Variants in PCDHGB3 observed in about 807,000 individuals in gnomAD.
PCDHGB3 encodes protocadherin gamma-B3.
A neutral mutation model predicts 59.2 loss-of-function variants in PCDHGB3; 40 were observed. That is an observed-to-expected ratio of 0.68 (90% CI 0.52 to 0.88). The LOEUF is 0.88. PCDHGB3 is among the 40% of genes least tolerant of loss of function. PCDHGB3 has a pLI of 0.00. For missense variants in PCDHGB3, 1,309 were observed against 1,187.9 expected (o/e 1.10, Z -1.50); for synonymous variants, 581 against 503.6 (o/e 1.15, Z -2.06).
rs765397942 is a variant in PCDHGB3, at chr5:141,371,419, A to G, written c.1025A>G (p.Asp342Gly). The change falls in exon 1 of 4, where the codon GAC becomes GGC. Residue 342 changes from aspartate to glycine, a missense_variant. Transcript: ENST00000576222. ...KVQIDISDEN[D>G]NAPEITLASE... is the part of the protein sequence containing the mutation. ...CAGATAGATATTTCAGATGAAAATG[A>G]CAATGCCCCGGAGATAACCCTGGCT... The G allele has an allele frequency of 3.1e-6, 5 of 1,613,904 alleles. No individual in the cohort carries two copies. The African/African-American group carries it at 6.7e-5, about 22-fold the overall frequency.
chr5:141,400,233 C>T lies in PCDHGB3; in HGVS notation c.2415+27424C>T, dbSNP rs373858401. ...TGATCTCAGTGCTCTTCCTCCTGGCCGTGATTCTGGCCGTTGCCTTGCGCC... is the reference window on the plus strand; with the variant it reads ...TGATCTCAGTGCTCTTCCTCCTGGCTGTGATTCTGGCCGTTGCCTTGCGCC... On this transcript the variant is annotated intron_variant, in intron 1 of 3. Coordinates refer to ENST00000576222, the MANE Select transcript of PCDHGB3 (RefSeq NM_018924.5). 100 of 1,613,988 alleles carry T rather than the reference C, an allele frequency of 6.2e-5. 1 individual carries two copies. The African/African-American group carries it at 1.1e-3, about 18-fold the overall frequency.
chr5:141,390,170 T>C lies in PCDHGB3; in HGVS notation c.2415+17361T>C, dbSNP rs773539625. 5 of 1,613,940 alleles carry C rather than the reference T, an allele frequency of 3.1e-6. No individual in the cohort carries two copies. In the African/African-American group the frequency reaches 6.7e-5, roughly 22 times the overall value. ...TTGCACATACAGGAAAGACGGAGTTTAATTTCCTAAAATGTAGTGAGCAGT... is the reference window on the plus strand; with the variant it reads ...TTGCACATACAGGAAAGACGGAGTTCAATTTCCTAAAATGTAGTGAGCAGT... On this transcript the variant is annotated intron_variant, in intron 1 of 3. Transcript: ENST00000576222.
In PCDHGB3 at chr5:141,432,896, G is replaced by A. The variant is rs2097547014; in HGVS notation, c.2415+60087G>A. On this transcript the variant is annotated intron_variant, in intron 1 of 3. Transcript: ENST00000576222. This position sits in a 1 kb window ranked among gnomAD's most constrained non-coding sequence, Gnocchi z 6.0. ...CCTGGCCTTCGTCATCTTGCTGCTG[G>A]CGCTCAGGCTGCGGCGCTGGCACAA... is the stretch of plus-strand genomic sequence containing the variant. 6.2e-7 allele frequency: 1 copy of A among 1,614,056 alleles called. No homozygotes were observed. Among genetic ancestry groups the A allele is most frequent in the African/African-American group, 1.3e-5 (1 of 74,946 alleles).
intron 1 of PCDHGB3, among the ~76,000 whole-genome samples, chr5:141,462,783 T>A (rs1313584666): frequency 6.6e-6 from 1 of 152,236 alleles, no homozygotes; most frequent in Non-Finnish European, 1.5e-5. Flanking sequence ...CATAATTTGT[T>A]GCTTATTTGC....
chr5:141,430,686 C>G, intron 1 of PCDHGB3: 1 of 1,397,218 alleles, frequency 7.2e-7, no homozygotes, highest in Non-Finnish European at 9.5e-7. Context: ...CTGTCCCATT[C>G]TATGGGCGAA....
At chr5:141,392,010 A>T (rs949188518) in intron 1 of PCDHGB3, 1 of 152,234 alleles carries the variant, frequency 6.6e-6, no homozygotes, top group African/African-American at 2.4e-5. Context: ...TGCAATGGTA[A>T]AAGCATTTAT....
intron 1 of PCDHGB3, chr5:141,427,842 C>T: frequency 6.5e-7 from 1 of 1,549,268 alleles, no homozygotes. Flanking sequence ...TGCCTTCGAC[C>T]ACGAGCAGCT....
At position 141,454,796 on chromosome 5, in the gene PCDHGB3, A is replaced by ATTTTT. The variant is rs61612330; in HGVS notation, c.2416-39986_2416-39982dup. ...AAGGAAATAATCCTCCATGGTTCTA[A>ATTTTT]TTTTTTTTTTTTTTTTTTTTTTTTT... On this transcript the variant is annotated intron_variant, in intron 1 of 3. Coordinates refer to ENST00000576222, the MANE Select transcript of PCDHGB3 (RefSeq NM_018924.5). 4.5e-3 allele frequency among the ~76,000 whole-genome samples: 350 copies of ATTTTT among 77,444 alleles called. 39 individuals are homozygous for ATTTTT. The highest frequency in any genetic ancestry group is 0.016 in the African/African-American group (266 of 16,872). The allele number at this position is 77,444 out of a possible 152,430, so 50.8% of individuals were successfully genotyped here.
Position 141,410,123 on chromosome 5 carries a change from C to T in PCDHGB3, c.2415+37314C>T. ...AGGCGACAGGGACGCAGCCCGCCAG[C>T]GCCTGCTGGTCGCTGTGCGTGACGG... On this transcript the variant is annotated intron_variant, in intron 1 of 3. Coordinates refer to ENST00000576222, the MANE Select transcript of PCDHGB3 (RefSeq NM_018924.5). The T allele has an allele frequency of 1.2e-6, 2 of 1,612,780 alleles. No individual in the cohort carries two copies. The highest frequency in any genetic ancestry group is 1.7e-6 in the Non-Finnish European group (2 of 1,179,646).
At chr5:141,375,453 A>C in intron 1 of PCDHGB3, 1 of 1,613,612 alleles carries the variant, frequency 6.2e-7, no homozygotes, top group South Asian at 1.1e-5. Flanking sequence ...CATTCATCCT[A>C]CTCAGTCTAT....
chr5:141,444,561 GA>G (rs778707459), intron 1 of PCDHGB3, among the ~76,000 whole-genome samples: 17 of 152,098 alleles, frequency 1.1e-4, no homozygotes, highest in Non-Finnish European at 2.1e-4. Context: ...GCACTTATTT[GA>G]CACTTTTGAC....
At chr5:141,492,163 C>T (rs921256341) in intron 1 of PCDHGB3, among the ~76,000 whole-genome samples, 22 of 152,232 alleles carry the variant, frequency 1.4e-4, no homozygotes, top group African/African-American at 5.3e-4. Context: ...CCTCCCTATC[C>T]CCGCATCACC....
At chr5:141,420,713 G>T (rs1406572601) in intron 1 of PCDHGB3, among the ~76,000 whole-genome samples, 1 of 152,078 alleles carries the variant, frequency 6.6e-6, no homozygotes, top group African/African-American at 2.4e-5. Flanking sequence ...CAGAAATGTC[G>T]TTCCTTTCAG....
Position 141,431,428 on chromosome 5 carries a change from A to G in PCDHGB3, c.2415+58619A>G. The stretch of plus-strand genomic sequence containing the variant: ...CCGACGGGGGCGACCCGGTGCGCAC[A>G]GGCACCGCGCGCATCCGCGTGATGG... On this transcript the variant is annotated intron_variant, in intron 1 of 3. Transcript: ENST00000576222. This position sits in a 1 kb window ranked among gnomAD's most constrained non-coding sequence, Gnocchi z 4.8. The G allele has an allele frequency of 6.2e-7, 1 of 1,613,664 alleles. No individual in the cohort carries two copies. Among genetic ancestry groups the G allele is most frequent in the Non-Finnish European group, 8.5e-7 (1 of 1,179,998 alleles).
At position 141,371,687 on chromosome 5, in the gene PCDHGB3, G is replaced by T; in HGVS notation, c.1293G>T (p.Pro431=). The T allele has an allele frequency of 6.2e-7, 1 of 1,614,014 alleles. No individual in the cohort carries two copies. Among genetic ancestry groups the T allele is most frequent in the Non-Finnish European group, 8.5e-7 (1 of 1,179,900 alleles). Residue 431 remains proline (P), a synonymous_variant, in exon 1 of 4, where the codon CCG becomes CCT. Transcript: ENST00000576222. ...CAGCTACCGACAAAGGCAATCCACC[G>T]CTCTCCTCCAGCAAGACCATCACTC... ...TITATDKGNP[P]LSSSKTITLH... is the part of the protein sequence containing the mutation.
Position 141,432,608 on chromosome 5 carries a change from T to G in PCDHGB3, c.2415+59799T>G. ...GCTCAAGGCCAGCGAGCCGGGACTC[T>G]TCTCGGTGGGTCTGCACACGGGCGA... On this transcript the variant is annotated intron_variant, in intron 1 of 3. Transcript: ENST00000576222. This position sits in a 1 kb window ranked among gnomAD's most constrained non-coding sequence, Gnocchi z 6.0. The G allele has an allele frequency of 6.2e-7, 1 of 1,613,864 alleles. No individual in the cohort carries two copies. The highest frequency in any genetic ancestry group is 8.5e-7 in the Non-Finnish European group (1 of 1,179,964).
In PCDHGB3 at chr5:141,499,962, A is replaced by G. The variant is rs147527188; in HGVS notation, c.2474+5097A>G. Among the ~76,000 whole-genome samples the G allele has an allele frequency of 3.7e-3, 563 of 152,178 alleles. 5 individuals are homozygous for G. Among genetic ancestry groups the G allele is most frequent in the Admixed American group, 0.011 (164 of 15,288 alleles). On this transcript the variant is annotated intron_variant, in intron 2 of 3. Coordinates refer to ENST00000576222, the MANE Select transcript of PCDHGB3 (RefSeq NM_018924.5). ...CTCGGCCTCCCAAAATGTTGGGATT[A>G]CAGGTGTGAGCCACCTTGCCCGGCC...
In PCDHGB3 at chr5:141,465,057, A is replaced by T. The variant is rs1253395484; in HGVS notation, c.2416-29750A>T. 3.3e-5 allele frequency among the ~76,000 whole-genome samples: 5 copies of T among 151,646 alleles called. No homozygotes were observed. The East Asian group carries it at 9.6e-4, about 29-fold the overall frequency. ...ACAAATGACCCTATATATTTTTTTG[A>T]ATTGTCTGTTCATGTCTTATTTTCA... On this transcript the variant is annotated intron_variant, in intron 1 of 3. Coordinates refer to ENST00000576222, the MANE Select transcript of PCDHGB3 (RefSeq NM_018924.5).
intron 1 of PCDHGB3, chr5:141,394,181 C>T (rs1232533966): frequency 1.2e-6 from 2 of 1,613,928 alleles, no homozygotes; most frequent in East Asian, 4.5e-5. Flanking sequence ...CTCATGCCTC[C>T]TACTCAGCGT....
Sources: allele counts gnomAD v4.1 joint callset (sites outside exome capture counted in the v4.1 genomes callset), GRCh38; gene constraint gnomAD v4.1.1; non-coding constraint Gnocchi (gnomAD v3.1); transcripts MANE v1.5; gene names NCBI Gene and HGNC (gene_info 2026-07-23, HGNC 2026-07-21).